Variants in RXFP2 observed in about 807,000 individuals in gnomAD.
RXFP2 encodes the protein relaxin receptor 2.
A neutral mutation model predicts 88.6 loss-of-function variants in RXFP2; 68 were observed. The observed-to-expected ratio is 0.77, with a 90% CI of 0.63 to 0.94. RXFP2 has a LOEUF of 0.94. Among genes scored for constraint, RXFP2 ranks in the 40% least tolerant of loss-of-function variants. The pLI is 0.00. For missense variants in RXFP2, 791 were observed against 893.9 expected, an observed-to-expected ratio of 0.88 and a Z score of 1.47; for synonymous variants, 329 against 306.8, an observed-to-expected ratio of 1.07 and a Z score of -0.76.
chr13:31,800,355 G>T (rs959430055), intron 17 of RXFP2, among the ~76,000 whole-genome samples: 1 of 152,190 alleles, frequency 6.6e-6, no homozygotes. Context: ...CAGATCACGA[G>T]ATCAGGAGAT....
chr13:31,765,007 A>T, intron 3 of RXFP2, 30 bp from the exon 4 acceptor site: 2 of 1,113,514 alleles, frequency 1.8e-6, no homozygotes, highest in Non-Finnish European at 2.8e-6. Flanking sequence ...TTTGTTTACT[A>T]GTGAAATCTT....
intron 1 of RXFP2, among the ~76,000 whole-genome samples, chr13:31,746,922 G>A (rs534159770): frequency 6.6e-6 from 1 of 152,278 alleles, no homozygotes; most frequent in East Asian, 1.9e-4. Context: ...CAATCTGAGG[G>A]TGAGATGATA....
chr13:31,802,216 T>G lies in RXFP2; in HGVS notation c.2076T>G (p.Thr692=). ...GTGCTTTGAATCCAATCCTCTATACTCTCACAACCAACTTTTTTAAGGACA... is the reference window on the plus strand; with the variant it reads ...GTGCTTTGAATCCAATCCTCTATACGCTCACAACCAACTTTTTTAAGGACA... The part of the protein sequence containing the change: ...VNSALNPILY[T]LTTNFFKDKL... Residue 692 remains threonine, a synonymous_variant, in exon 18 of 18, where the codon ACT becomes ACG. Transcript: ENST00000298386. 6.2e-7 allele frequency: 1 copy of G among 1,613,864 alleles called. No individual in the cohort carries two copies. Among genetic ancestry groups the G allele is most frequent in the East Asian group, 2.2e-5 (1 of 44,860 alleles).
chr13:31,762,268 G>T (rs1177122635), intron 3 of RXFP2, among the ~76,000 whole-genome samples: 2 of 152,200 alleles, frequency 1.3e-5, no homozygotes, highest in Non-Finnish European at 2.9e-5. Context: ...TGGAAGAAAT[G>T]ATGGCTGTGC....
chr13:31,797,598 C>T (rs1251071895), intron 17 of RXFP2, among the ~76,000 whole-genome samples, 179 bp downstream of exon 17: 1 of 152,154 alleles, frequency 6.6e-6, no homozygotes, highest in African/African-American at 2.4e-5. Flanking sequence ...TGCAATCCAA[C>T]CAGGAATAAT....
intron 3 of RXFP2, 151 bp from the exon 4 acceptor site, chr13:31,764,886 T>G (rs762760574): frequency 3.3e-6 from 2 of 597,508 alleles, no homozygotes; most frequent in Non-Finnish European, 6.0e-6. Flanking sequence ...GAGAGAATTC[T>G]TATTTAATTT....
chr13:31,770,054 T>C (rs531014026), intron 5 of RXFP2, among the ~76,000 whole-genome samples: 3 of 152,354 alleles, frequency 2.0e-5, no homozygotes, highest in African/African-American at 4.8e-5. Flanking sequence ...TAAAAAATTA[T>C]AAAACTGCTT....
intron 16 of RXFP2, among the ~76,000 whole-genome samples, chr13:31,796,072 C>T (rs1412794737): frequency 4.9e-5 from 4 of 81,236 alleles, no homozygotes; most frequent in Middle Eastern, 0.016. Context: ...TTTTTTGAGA[C>T]GGAGTCTTGC....
intron 1 of RXFP2, among the ~76,000 whole-genome samples, chr13:31,756,980 C>A (rs375158465): frequency 1.3e-5 from 2 of 152,122 alleles, no homozygotes; most frequent in East Asian, 3.8e-4. Context: ...AAACATGTCT[C>A]TTTATTTTCT....
chr13:31,743,597 C>G (rs1316571398), intron 1 of RXFP2, among the ~76,000 whole-genome samples: 1 of 151,986 alleles, frequency 6.6e-6, no homozygotes, highest in East Asian at 1.9e-4. Flanking sequence ...TCCCCCTTCC[C>G]ACTGTTCTGA....
intron 11 of RXFP2, 31 bp downstream of exon 11, chr13:31,782,778 A>T (rs1873349257): frequency 7.5e-7 from 1 of 1,339,522 alleles, no homozygotes; most frequent in South Asian, 1.2e-5. Context: ...GGAAAATATG[A>T]TTGCTTCTTC....
rs1387384217 is a variant in RXFP2, at chr13:31,802,611, C to T, written c.*206C>T. 10 of 606,912 alleles carry T rather than the reference C, an allele frequency of 1.6e-5. No homozygotes were observed. Among genetic ancestry groups the T allele is most frequent in the Non-Finnish European group, 2.6e-5 (9 of 340,798 alleles). 37.6% of individuals were successfully genotyped at this position (606,912 alleles called of 1,614,324 possible). ...GAGGACAGCACCAAAGGTTCCTCTC[C>T]TCACCCCACATGCCTGAAAAGCACA... is the stretch of plus-strand genomic sequence containing the variant. On this transcript the variant is annotated 3_prime_UTR_variant, in exon 18 of 18. Coordinates refer to ENST00000298386, the MANE Select transcript of RXFP2 (RefSeq NM_130806.5).
chr13:31,742,223 G>A (rs568089837), intron 1 of RXFP2, among the ~76,000 whole-genome samples: 49 of 152,216 alleles, frequency 3.2e-4, no homozygotes, highest in African/African-American at 1.1e-3. Context: ...TAAATAATTT[G>A]CTTAACCTCC....
At chr13:31,770,394 AT>A (rs1872693590) in intron 5 of RXFP2, among the ~76,000 whole-genome samples, 1 of 152,080 alleles carries the variant, frequency 6.6e-6, no homozygotes, top group South Asian at 2.1e-4. Context: ...ATTTTTTGGC[AT>A]TTCTCAATTT....
chr13:31,758,935 C>A (rs528022094), intron 2 of RXFP2, among the ~76,000 whole-genome samples: 28 of 152,098 alleles, frequency 1.8e-4, no homozygotes, highest in African/African-American at 5.1e-4. Flanking sequence ...GTAATCCCAG[C>A]TACTCGGGAG....
Position 31,774,662 on chromosome 13 carries a change from A to AT in RXFP2, c.546dup (p.Gly183TrpfsTer4). The AT allele has an allele frequency of 4.5e-6, 7 of 1,559,170 alleles. No individual in the cohort carries two copies. Among genetic ancestry groups the AT allele is most frequent in the African/African-American group, 2.7e-5 (2 of 73,976 alleles). On this transcript the variant is annotated frameshift_variant, in exon 6 of 18. Coordinates refer to ENST00000298386, the MANE Select transcript of RXFP2 (RefSeq NM_130806.5). LOFTEE classifies it high-confidence loss of function. Reference sequence around the variant, plus strand: ...GCATTAGACACATATCCAGGAAAGCATTTTTTGGATTATGTAATCTGCAAA... The same window carrying AT: ...GCATTAGACACATATCCAGGAAAGCATTTTTTTGGATTATGTAATCTGCAAA...
intron 10 of RXFP2, 36 bp downstream of exon 10, chr13:31,781,778 A>G: frequency 1.3e-6 from 2 of 1,499,826 alleles, no homozygotes; most frequent in Non-Finnish European, 1.9e-6. Context: ...ATGAGGGGAA[A>G]CCCTATATAT....
intron 1 of RXFP2, among the ~76,000 whole-genome samples, chr13:31,757,764 A>C (rs1407904358): frequency 6.6e-6 from 1 of 152,084 alleles, no homozygotes; most frequent in Non-Finnish European, 1.5e-5. Context: ...TCTGTTCTTG[A>C]TATAGCTGAT....
Position 31,778,502 on chromosome 13 carries a change from T to G in RXFP2, c.714-10T>G. The G allele has an allele frequency of 6.3e-7, 1 of 1,576,114 alleles. No homozygotes were observed. Among genetic ancestry groups the G allele is most frequent in the Non-Finnish European group, 8.7e-7 (1 of 1,146,230 alleles). On this transcript the variant is annotated splice_polypyrimidine_tract_variant and intron_variant, in intron 8 of 17. Coordinates refer to ENST00000298386, the MANE Select transcript of RXFP2 (RefSeq NM_130806.5). ...ATTTTATTTCTAATTAACATTTTCTTTGTGTAAAGGTCTATGGTTAATAAC... is the reference window on the plus strand; with the variant it reads ...ATTTTATTTCTAATTAACATTTTCTGTGTGTAAAGGTCTATGGTTAATAAC...
Sources: gnomAD v4.1 joint callset for allele counts (sites outside exome capture counted in the v4.1 genomes callset) on GRCh38, gnomAD v4.1.1 for gene constraint, MANE v1.5 for transcripts, NCBI Gene and HGNC (gene_info 2026-07-23, HGNC 2026-07-21) for gene names.